PKN2: variants seen among roughly 807,000 people sequenced by gnomAD.
The protein encoded by PKN2 is protein kinase N2.
PKN2 carries 38 observed loss-of-function variants against 119.1 expected under a neutral mutation model. That is an observed-to-expected ratio of 0.32 (90% CI 0.25 to 0.42). The LOEUF is 0.42. PKN2 is among the 10% of genes least tolerant of loss of function. The pLI is 1.00. For synonymous variants in PKN2, 390 were observed against 384.9 expected (o/e 1.01, Z -0.15); for missense variants, 850 against 1,165.1 (o/e 0.73, Z 3.94).
chr1:88,828,261 CT>C (rs1672589419), intron 18 of PKN2, among the ~76,000 whole-genome samples: 1 of 152,158 alleles, frequency 6.6e-6, no homozygotes, highest in South Asian at 2.1e-4. Flanking sequence ...ACATGGATAT[CT>C]TATTTCTATT....
intron 1 of PKN2, among the ~76,000 whole-genome samples, chr1:88,691,203 A>G (rs1165314738): frequency 6.6e-6 from 1 of 151,882 alleles, no homozygotes; most frequent in Non-Finnish European, 1.5e-5. Flanking sequence ...AGCTGGTACT[A>G]TAGGTGTGAG....
At chr1:88,709,859 G>A (rs912015632) in intron 1 of PKN2, among the ~76,000 whole-genome samples, 1 of 152,152 alleles carries the variant, frequency 6.6e-6, no homozygotes, top group Non-Finnish European at 1.5e-5. Flanking sequence ...CCTTGACTTT[G>A]AGAATGTATC....
At chr1:88,706,122 A>G (rs181234903) in intron 1 of PKN2, among the ~76,000 whole-genome samples, 2 of 152,272 alleles carry the variant, frequency 1.3e-5, no homozygotes, top group East Asian at 3.9e-4. Flanking sequence ...TCTATGATAA[A>G]CAAAGTATGT....
At chr1:88,758,549 G>C (rs888668299) in intron 2 of PKN2, among the ~76,000 whole-genome samples, 7 of 151,826 alleles carry the variant, frequency 4.6e-5, no homozygotes, top group Non-Finnish European at 7.4e-5. Context: ...CACTCCAATA[G>C]GCCCCCAGTG....
At position 88,770,538 on chromosome 1, in the gene PKN2, C is replaced by T. The variant is rs181662369; in HGVS notation, c.622+69C>T. 2,451 of 833,670 alleles carry T rather than the reference C, an allele frequency of 2.9e-3. 12 individuals are homozygous for T. Among genetic ancestry groups the T allele is most frequent in the Non-Finnish European group, 3.7e-3 (1,778 of 486,290 alleles). The allele number at this position is 833,670 out of a possible 1,614,324, so 51.6% of individuals were successfully genotyped here. On this transcript the variant is annotated intron_variant, in intron 4 of 21. Transcript: ENST00000370521. ...TAAATAATCTTATGCAGGAACAGGG[C>T]AGTGGTTCAAAGTTAAGAGGGAGGA...
At chr1:88,729,281 G>T (rs1668032825) in intron 1 of PKN2, among the ~76,000 whole-genome samples, 1 of 152,236 alleles carries the variant, frequency 6.6e-6, no homozygotes, top group African/African-American at 2.4e-5. Flanking sequence ...TATTTGAAAA[G>T]ACTGCTTAGA....
chr1:88,735,251 T>G (rs559417885), intron 1 of PKN2, among the ~76,000 whole-genome samples: 1 of 152,112 alleles, frequency 6.6e-6, no homozygotes, highest in South Asian at 2.1e-4. Context: ...CTTGATCTCA[T>G]GGACTTGAAT....
Position 88,834,320 on chromosome 1 carries a change from C to T in PKN2, c.*872C>T, listed in dbSNP as rs1672856456. The T allele has an allele frequency of 1.3e-5, 2 of 152,464 alleles. No individual in the cohort carries two copies. The allele number at this position is 152,464 out of a possible 1,614,324, so 9.4% of individuals were successfully genotyped here. A position where few individuals can be genotyped will look rare whatever the true frequency, so the allele number is the denominator to read the frequency against. ...TTTTTGGTATTCACTCTACATCTGCCAACCTAGTTCACCTTGGTTTTGTGT... is the reference window on the plus strand; with the variant it reads ...TTTTTGGTATTCACTCTACATCTGCTAACCTAGTTCACCTTGGTTTTGTGT... On this transcript the variant is annotated 3_prime_UTR_variant, in exon 22 of 22. Transcript: ENST00000370521.
intron 15 of PKN2, among the ~76,000 whole-genome samples, chr1:88,809,794 C>G (rs1162219796): frequency 2.0e-5 from 3 of 152,088 alleles, no homozygotes; most frequent in Non-Finnish European, 4.4e-5. Flanking sequence ...TTTCTTTCCC[C>G]CATAGTGTCA....
At chr1:88,816,614 GTTGT>G (rs1409691493) in intron 16 of PKN2, among the ~76,000 whole-genome samples, 1 of 152,176 alleles carries the variant, frequency 6.6e-6, no homozygotes, top group African/African-American at 2.4e-5. Flanking sequence ...CTTCTGGTAA[GTTGT>G]TTAATTTTTA....
intron 2 of PKN2, among the ~76,000 whole-genome samples, chr1:88,746,839 A>G (rs527352315): frequency 1.1e-4 from 17 of 152,302 alleles, no homozygotes; most frequent in African/African-American, 3.8e-4. Context: ...TAGCCAAGAT[A>G]TCCAAACAAC....
In PKN2 at chr1:88,684,907, G is replaced by GCT. The variant is rs369649763; in HGVS notation, c.48+283_48+284dup. The GCT allele has an allele frequency of 1.7e-3, 627 of 374,290 alleles. 6 individuals are homozygous for GCT. The highest frequency in any genetic ancestry group is 0.012 in the African/African-American group (570 of 47,822). 23.2% of individuals were successfully genotyped at this position (374,290 alleles called of 1,614,324 possible). A position where few individuals can be genotyped will look rare whatever the true frequency, so the allele number is the denominator to read the frequency against. On this transcript the variant is annotated intron_variant, in intron 1 of 21. Coordinates refer to ENST00000370521, the MANE Select transcript of PKN2 (RefSeq NM_006256.4). ...TGCAGCCCTGCTGCAGCGGGAGCCT[G>GCT]CTCTCGCCTGGTCCCCGGAGAGGCC...
chr1:88,821,410 A>G (rs1454540945), intron 16 of PKN2, among the ~76,000 whole-genome samples: 1 of 152,128 alleles, frequency 6.6e-6, no homozygotes, highest in Non-Finnish European at 1.5e-5. Context: ...AAATGGTTTG[A>G]TTCTCTGTCA....
At chr1:88,737,615 G>A (rs1244958662) in intron 1 of PKN2, among the ~76,000 whole-genome samples, 4 of 152,186 alleles carry the variant, frequency 2.6e-5, no homozygotes, top group African/African-American at 9.7e-5. Context: ...TGAGGCTACT[G>A]TAGATGCCAG....
chr1:88,789,071 T>C (rs1670701104), intron 8 of PKN2, among the ~76,000 whole-genome samples: 1 of 152,134 alleles, frequency 6.6e-6, no homozygotes, highest in African/African-American at 2.4e-5. Flanking sequence ...TTTTAGCAGA[T>C]TTCAGTGTTG....
chr1:88,709,443 A>G (rs1667136901), intron 1 of PKN2, among the ~76,000 whole-genome samples: 1 of 152,186 alleles, frequency 6.6e-6, no homozygotes, highest in South Asian at 2.1e-4. Context: ...TGATGAAGCA[A>G]AGATACTGAG....
At chr1:88,743,036 C>T (rs533380371) in intron 2 of PKN2, among the ~76,000 whole-genome samples, 210 of 152,110 alleles carry the variant, frequency 1.4e-3, no homozygotes, top group Non-Finnish European at 1.8e-3. Context: ...ACTAAAAATA[C>T]GAAAATTAGT....
intron 1 of PKN2, among the ~76,000 whole-genome samples, chr1:88,722,102 T>G (rs1299056646): frequency 6.6e-6 from 1 of 152,218 alleles, no homozygotes; most frequent in Non-Finnish European, 1.5e-5. Flanking sequence ...CTCATGATAA[T>G]GAGCCCTCTT....
chr1:88,726,738 A>G (rs1037993197), intron 1 of PKN2, among the ~76,000 whole-genome samples: 6 of 146,286 alleles, frequency 4.1e-5, no homozygotes, highest in African/African-American at 1.0e-4. Context: ...CAGATTATGT[A>G]TTTCATATTG....
Sources: allele counts gnomAD v4.1 joint callset (sites outside exome capture counted in the v4.1 genomes callset), GRCh38; gene constraint gnomAD v4.1.1; transcripts MANE v1.5; gene names NCBI Gene and HGNC (gene_info 2026-07-23, HGNC 2026-07-21).